PLEKHA7: variants seen among roughly 807,000 people sequenced by gnomAD.
PLEKHA7 encodes the protein pleckstrin homology domain-containing family A member 7.
PLEKHA7 carries 104 observed loss-of-function variants against 170.0 expected under a neutral mutation model. The ratio of observed to expected loss-of-function variants is 0.61; its 90% CI spans 0.52 to 0.72. The LOEUF (loss-of-function observed/expected upper bound fraction) is 0.72. Among genes scored for constraint, PLEKHA7 ranks in the 30% least tolerant of loss-of-function variants. The probability of loss-of-function intolerance (pLI) is 0.00; values close to 1 mark genes in which losing one functional copy is unlikely to be tolerated. For synonymous variants in PLEKHA7, 648 were observed against 660.8 expected, an observed-to-expected ratio of 0.98 and a Z score of 0.30; for missense variants, 1,615 against 1,671.7, an observed-to-expected ratio of 0.97 and a Z score of 0.59.
At chr11:16,826,646 T>C (rs2134964613) in intron 9 of PLEKHA7, 56 bp from the exon 10 acceptor site, 1 of 1,467,896 alleles carries the variant, frequency 6.8e-7, no homozygotes. Flanking sequence ...CATGATGAAA[T>C]GCACTGTACA....
At position 16,815,713 on chromosome 11, in the gene PLEKHA7, GCCATGTTTGCTAGGCTGGTCTTGAACTC is replaced by G. The variant is rs554185713; in HGVS notation, c.1953+437_1953+464del. Among the ~76,000 whole-genome samples the G allele has an allele frequency of 1.2e-3, 176 of 152,070 alleles. No homozygotes were observed. In the Middle Eastern group the frequency reaches 0.014, roughly 12 times the overall value. ...GTATTTTTAGTAGAGACGGGGTTTC[GCCATGTTTGCTAGGCTGGTCTTGAACTC>G]CTGGCCTCAAATGATCCACCCACCT... On this transcript the variant is annotated intron_variant, in intron 12 of 26. Transcript: ENST00000531066.
chr11:16,848,970 C>A (rs772784783), intron 8 of PLEKHA7, among the ~76,000 whole-genome samples: 15 of 152,122 alleles, frequency 9.9e-5, no homozygotes, highest in Non-Finnish European at 2.1e-4. Context: ...TACCCTCTGG[C>A]CCCTAAAAGA....
At chr11:16,866,491 C>CT (rs1216602684) in intron 4 of PLEKHA7, among the ~76,000 whole-genome samples, 4 of 152,090 alleles carry the variant, frequency 2.6e-5, no homozygotes, top group African/African-American at 9.7e-5. Flanking sequence ...ACTCGGGAGA[C>CT]TGAGGCAGAA....
intron 3 of PLEKHA7, among the ~76,000 whole-genome samples, chr11:16,939,761 C>T (rs1403230583): frequency 3.3e-5 from 5 of 152,166 alleles, no homozygotes; most frequent in African/African-American, 9.7e-5. Context: ...TACCCTACTC[C>T]ACCCCAACAA....
chr11:16,842,950 C>T (rs576937713), intron 8 of PLEKHA7, among the ~76,000 whole-genome samples: 61 of 152,224 alleles, frequency 4.0e-4, no homozygotes, highest in African/African-American at 1.4e-3. Flanking sequence ...CACCTGGTAA[C>T]AGATTCTTCA....
intron 13 of PLEKHA7, among the ~76,000 whole-genome samples, chr11:16,808,813 C>T (rs1849161635): frequency 6.6e-6 from 1 of 152,164 alleles, no homozygotes; most frequent in African/African-American, 2.4e-5. Context: ...TTCTGAAGAG[C>T]AGAACTTCAA....
At chr11:16,802,488 G>A (rs991729708) in intron 15 of PLEKHA7, among the ~76,000 whole-genome samples, 1 of 152,174 alleles carries the variant, frequency 6.6e-6, no homozygotes, top group Non-Finnish European at 1.5e-5. Context: ...AAGCAGAATG[G>A]GGGCAGGAGG....
intron 3 of PLEKHA7, among the ~76,000 whole-genome samples, chr11:16,972,199 T>C (rs570338972): frequency 6.6e-6 from 1 of 152,130 alleles, no homozygotes; most frequent in Non-Finnish European, 1.5e-5. Flanking sequence ...CCTAACTCAC[T>C]GCAGCTTCAA....
chr11:16,875,619 T>G (rs1030746801), intron 3 of PLEKHA7, among the ~76,000 whole-genome samples: 1 of 151,998 alleles, frequency 6.6e-6, no homozygotes, highest in African/African-American at 2.4e-5. Flanking sequence ...GGCTAATTTT[T>G]TTTTTAGTAG....
intron 15 of PLEKHA7, 102 bp from the exon 16 acceptor site, chr11:16,801,919 GA>G: frequency 1.4e-6 from 2 of 1,427,290 alleles, no homozygotes; most frequent in Non-Finnish European, 9.6e-7. Context: ...AACCAAGGCC[GA>G]AGGGATCAGC....
intron 3 of PLEKHA7, among the ~76,000 whole-genome samples, chr11:16,960,923 C>A (rs1011388031): frequency 2.0e-5 from 3 of 152,072 alleles, no homozygotes; most frequent in Non-Finnish European, 4.4e-5. Flanking sequence ...TCCTTGAACC[C>A]AAGCTCATCC....
chr11:16,852,907 A>ATC (rs1820410563), intron 6 of PLEKHA7, among the ~76,000 whole-genome samples: 2 of 152,232 alleles, frequency 1.3e-5, no homozygotes, highest in Non-Finnish European at 2.9e-5. Flanking sequence ...CATAAGAAAA[A>ATC]TCTGTCTTTA....
In PLEKHA7 at chr11:16,871,241, G is replaced by A. The variant is rs537465431; in HGVS notation, c.222-59C>T. 6.4e-5 allele frequency: 87 copies of A among 1,352,916 alleles called. 1 individual carries two copies. The highest frequency in any genetic ancestry group is 4.5e-4 in the South Asian group (38 of 85,210). 83.8% of individuals were successfully genotyped at this position (1,352,916 alleles called of 1,614,324 possible). A position where few individuals can be genotyped will look rare whatever the true frequency, so the allele number is the denominator to read the frequency against. Reference sequence around the variant, plus strand: ...GTGTGAATGGAAGGAGTACAGACACGACAGGTCAGTCAGCAATGTCTGGTG... The same window carrying A: ...GTGTGAATGGAAGGAGTACAGACACAACAGGTCAGTCAGCAATGTCTGGTG... On this transcript the variant is annotated intron_variant, in intron 3 of 26. Coordinates refer to ENST00000531066, the MANE Select transcript of PLEKHA7 (RefSeq NM_001329630.2).
At position 16,826,142 on chromosome 11, in the gene PLEKHA7, C is replaced by T. The variant is rs1850620197; in HGVS notation, c.1321G>A (p.Ala441Thr). ...NLAQVEHWAR[A>T]QKGDSRSLPL... ...CACCTCCTGCTATCCCCTTTCTGGGCCCTTGCCCAGTGCTCCACCTGGGCC... is the reference window on the plus strand; with the variant it reads ...CACCTCCTGCTATCCCCTTTCTGGGTCCTTGCCCAGTGCTCCACCTGGGCC... Residue 441 changes from alanine (A) to threonine (T), a missense_variant, in exon 10 of 27, where the codon GCC (alanine) becomes ACC (threonine). Transcript: ENST00000531066. 2 of 1,614,044 alleles carry T rather than the reference C, an allele frequency of 1.2e-6. No homozygotes were observed. Among genetic ancestry groups the T allele is most frequent in the Admixed American group, 3.3e-5 (2 of 60,010 alleles).
At chr11:17,008,959 C>T (rs1229638187) in intron 3 of PLEKHA7, among the ~76,000 whole-genome samples, 2 of 152,164 alleles carry the variant, frequency 1.3e-5, no homozygotes, top group Non-Finnish European at 2.9e-5. Flanking sequence ...TCTTCAATTT[C>T]TTACTAATCA....
intron 3 of PLEKHA7, among the ~76,000 whole-genome samples, chr11:16,906,857 C>T (rs1359215985): frequency 7.2e-6 from 1 of 138,550 alleles, no homozygotes; most frequent in Non-Finnish European, 1.5e-5. Flanking sequence ...TCTGCCCGGC[C>T]GCCATCCCAT....
At chr11:17,013,822 G>A (rs1865475964) in intron 3 of PLEKHA7, among the ~76,000 whole-genome samples, 167 bp downstream of exon 3, 3 of 152,192 alleles carry the variant, frequency 2.0e-5, no homozygotes, top group Non-Finnish European at 2.9e-5. Context: ...CCTCTCGGAG[G>A]CCGCCAAACA....
Position 17,014,411 on chromosome 11 carries a change from G to A in PLEKHA7, c.-10C>T. ...CCGTCGCCGCCGCCATGTTCGCCGA[G>A]CGCGGAGCCGCCGCGGGGTGGGGGG... is the stretch of plus-strand genomic sequence containing the variant. On this transcript the variant is annotated 5_prime_UTR_variant, in exon 1 of 27. Coordinates refer to ENST00000531066, the MANE Select transcript of PLEKHA7 (RefSeq NM_001329630.2). 1 of 1,325,554 alleles carries A rather than the reference G, an allele frequency of 7.5e-7. No homozygotes were observed. The highest frequency in any genetic ancestry group is 2.2e-5 in the South Asian group (1 of 46,450). 82.1% of individuals were successfully genotyped at this position (1,325,554 alleles called of 1,614,324 possible).
At chr11:16,847,959 T>C (rs1852594414) in intron 8 of PLEKHA7, among the ~76,000 whole-genome samples, 1 of 151,552 alleles carries the variant, frequency 6.6e-6, no homozygotes, top group Non-Finnish European at 1.5e-5. Context: ...ACATAGAGGA[T>C]GAACTGTAGG....
Sources: allele counts gnomAD v4.1 joint callset (sites outside exome capture counted in the v4.1 genomes callset), GRCh38; gene constraint gnomAD v4.1.1; transcripts MANE v1.5; gene names NCBI Gene and HGNC (gene_info 2026-07-23, HGNC 2026-07-21).